Variants in ROBO2 observed in about 807,000 individuals in gnomAD.
ROBO2 encodes the protein roundabout homolog 2.
In ROBO2, 53 loss-of-function variants were observed where a neutral mutation model predicts 160.8. The observed-to-expected ratio is 0.33, with a 90% confidence interval of 0.26 to 0.41. ROBO2 has a LOEUF of 0.41. Ranked by LOEUF, ROBO2 falls within the 10% of genes least tolerant of loss-of-function variation. The pLI is 1.00. For missense variants in ROBO2, 1,577 were observed against 1,722.4 expected, an observed-to-expected ratio of 0.92 and a Z score of 1.49; for synonymous variants, 664 against 611.7, an observed-to-expected ratio of 1.09 and a Z score of -1.26.
intron 16 of ROBO2, among the ~76,000 whole-genome samples, chr3:77,588,342 G>T (rs1239081130): frequency 6.6e-6 from 1 of 152,028 alleles, no homozygotes; most frequent in Admixed American, 6.6e-5. Flanking sequence ...TATGGACCGT[G>T]CCTTAGCAGA....
At chr3:77,506,574 C>T (rs868860159) in intron 5 of ROBO2, among the ~76,000 whole-genome samples, 2 of 151,998 alleles carry the variant, frequency 1.3e-5, no homozygotes, top group East Asian at 3.9e-4. Context: ...TTGATTGCCA[C>T]ATTTGGGAGA....
intron 2 of ROBO2, among the ~76,000 whole-genome samples, chr3:77,283,513 A>G (rs2060380818): frequency 6.6e-6 from 1 of 152,218 alleles, no homozygotes. Flanking sequence ...GCACATTTTT[A>G]TCTCTAAAAT....
At chr3:76,595,763 AGGTCT>A (rs1451779801) in intron 2 of ROBO2, among the ~76,000 whole-genome samples, 5 of 152,106 alleles carry the variant, frequency 3.3e-5, no homozygotes, top group African/African-American at 7.2e-5. Context: ...ATGATTTTGT[AGGTCT>A]GGGACATTAT....
chr3:77,074,154 C>G (rs2067697022), intron 1 of ROBO2, among the ~76,000 whole-genome samples: 1 of 152,112 alleles, frequency 6.6e-6, no homozygotes, highest in Non-Finnish European at 1.5e-5. Context: ...TGAAAATTTA[C>G]ATTTAGATTT....
chr3:77,627,437 G>A (rs1490791337), intron 23 of ROBO2, among the ~76,000 whole-genome samples: 2 of 151,666 alleles, frequency 1.3e-5, no homozygotes, highest in South Asian at 2.1e-4. Context: ...GGGCCACCAC[G>A]CTAAGCTATT....
intron 2 of ROBO2, among the ~76,000 whole-genome samples, chr3:76,282,172 A>T (rs111955563): frequency 0.014 from 2,194 of 152,112 alleles, 50 homozygotes; most frequent in African/African-American, 0.049. Flanking sequence ...TAAGAACTAT[A>T]GTTGGATTTC....
intron 5 of ROBO2, among the ~76,000 whole-genome samples, chr3:77,521,037 A>G (rs897208476): frequency 6.6e-6 from 1 of 151,278 alleles, no homozygotes; most frequent in African/African-American, 2.4e-5. Flanking sequence ...ATTCACCACT[A>G]GTGTTTCTTG....
At chr3:76,309,631 G>T (rs2071482822) in intron 2 of ROBO2, among the ~76,000 whole-genome samples, 1 of 152,180 alleles carries the variant, frequency 6.6e-6, no homozygotes, top group East Asian at 1.9e-4. Context: ...TCATAAAACT[G>T]GTGGTTATCA....
In ROBO2 at chr3:77,477,570, G is replaced by A. The variant is rs753419026; in HGVS notation, c.545G>A (p.Ser182Asn). 3.7e-6 allele frequency: 6 copies of A among 1,613,750 alleles called. No individual in the cohort carries two copies. The Admixed American group carries it at 8.3e-5, about 22-fold the overall frequency. ...ATTGATGACAAGGAAGAAAGAATAAGTGTGAGTTAAATTAAAATCATGGCC... is the reference window on the plus strand; with the variant it reads ...ATTGATGACAAGGAAGAAAGAATAAATGTGAGTTAAATTAAAATCATGGCC... The change falls in exon 3 of 26, where the codon AGT (serine) becomes AAT (asparagine). Residue 182 changes from serine to asparagine, a missense_variant and splice_region_variant. This residue lies in a region of ROBO2 where 940 missense variants were observed against 1,135.5 expected (regional missense o/e 0.83). Coordinates refer to ENST00000461745, the Ensembl canonical transcript of ROBO2.
intron 1 of ROBO2, among the ~76,000 whole-genome samples, chr3:77,095,994 T>C (rs1255705897): frequency 6.6e-6 from 1 of 152,184 alleles, no homozygotes; most frequent in African/African-American, 2.4e-5. Flanking sequence ...ATGTATACAT[T>C]CTTTTTTGGT....
intron 2 of ROBO2, among the ~76,000 whole-genome samples, chr3:76,351,959 C>A (rs1276552803): frequency 6.6e-6 from 1 of 151,970 alleles, no homozygotes; most frequent in African/African-American, 2.4e-5. Context: ...AATAACTTTA[C>A]AATGTCATAA....
intron 2 of ROBO2, among the ~76,000 whole-genome samples, chr3:77,186,929 G>A (rs2150905212): frequency 6.6e-6 from 1 of 152,094 alleles, no homozygotes; most frequent in East Asian, 1.9e-4. Flanking sequence ...CCATGTCAAT[G>A]TCAGCTGATT....
At chr3:76,089,074 T>G (rs1350042999) in intron 2 of ROBO2, among the ~76,000 whole-genome samples, 3 of 152,006 alleles carry the variant, frequency 2.0e-5, no homozygotes, top group Non-Finnish European at 4.4e-5. Context: ...TGCTTCCAAA[T>G]TGGGTAATCC....
intron 2 of ROBO2, among the ~76,000 whole-genome samples, chr3:76,088,525 G>T (rs1218462801): frequency 6.6e-6 from 1 of 151,984 alleles, no homozygotes; most frequent in African/African-American, 2.4e-5. Context: ...TCTGCTATCA[G>T]AGTACAATGG....
chr3:76,965,193 C>CGCTCA (rs2079976588), intron 2 of ROBO2, among the ~76,000 whole-genome samples: 1 of 152,230 alleles, frequency 6.6e-6, no homozygotes, highest in African/African-American at 2.4e-5. Context: ...AGGCTAAAGC[C>CGCTCA]GCTCATCTTC....
intron 20 of ROBO2, among the ~76,000 whole-genome samples, chr3:77,605,627 G>A (rs989923257): frequency 6.6e-6 from 1 of 152,112 alleles, no homozygotes; most frequent in African/African-American, 2.4e-5. Flanking sequence ...TGGCTTTCTT[G>A]AACTTTGGAC....
At chr3:76,549,709 G>C (rs932638441) in intron 2 of ROBO2, among the ~76,000 whole-genome samples, 2 of 152,148 alleles carry the variant, frequency 1.3e-5, no homozygotes, top group African/African-American at 4.8e-5. Flanking sequence ...TTCTCCAGAA[G>C]CACCCTACTT....
intron 2 of ROBO2, among the ~76,000 whole-genome samples, chr3:77,344,702 T>A (rs547841729): frequency 6.6e-6 from 1 of 152,186 alleles, no homozygotes. Context: ...AAACAGAAGA[T>A]AAAAAATAGT....
intron 2 of ROBO2, among the ~76,000 whole-genome samples, chr3:77,125,301 A>G (rs956597705): frequency 1.3e-5 from 2 of 152,196 alleles, no homozygotes; most frequent in Non-Finnish European, 2.9e-5. Context: ...TGTTTATATA[A>G]ACCAGGTGAC....
Sources: allele counts gnomAD v4.1 joint callset (sites outside exome capture counted in the v4.1 genomes callset), GRCh38; gene constraint gnomAD v4.1.1; regional missense constraint gnomAD v4.1.1; transcripts MANE v1.5; gene names NCBI Gene and HGNC (gene_info 2026-07-23, HGNC 2026-07-21).